The following KPNA3 variants were observed in gnomAD, a reference collection of about 807,000 sequenced individuals.
KPNA3 encodes karyopherin subunit alpha 3.
In KPNA3, 13 loss-of-function variants were observed where a neutral mutation model predicts 73.8. That is an observed-to-expected ratio of 0.18 (90% CI 0.11 to 0.28). The LOEUF is 0.28. Among genes scored for constraint, KPNA3 ranks in the 10% least tolerant of loss-of-function variants. The pLI is 1.00. For synonymous variants in KPNA3, 186 were observed against 206.9 expected, an observed-to-expected ratio of 0.90 and a Z score of 0.87; for missense variants, 360 against 618.1, an observed-to-expected ratio of 0.58 and a Z score of 4.43.
chr13:49,792,293 G>A (rs2137615449), intron 1 of KPNA3, 145 bp downstream of exon 1: 1 of 297,972 alleles, frequency 3.4e-6, no homozygotes, highest in East Asian at 1.0e-4. Flanking sequence ...GCTCCGCCCA[G>A]CCCGGGGCCG....
intron 2 of KPNA3, among the ~76,000 whole-genome samples, chr13:49,739,612 T>A (rs1207391244): frequency 6.6e-6 from 1 of 152,216 alleles, no homozygotes; most frequent in Non-Finnish European, 1.5e-5. Flanking sequence ...ACAGATGTCA[T>A]CTGTCATCCT....
At chr13:49,785,300 T>C (rs1187497590) in intron 1 of KPNA3, among the ~76,000 whole-genome samples, 4 of 152,002 alleles carry the variant, frequency 2.6e-5, no homozygotes, top group Non-Finnish European at 5.9e-5. Flanking sequence ...CAGCAGAATA[T>C]AGAGGCAGGG....
intron 1 of KPNA3, among the ~76,000 whole-genome samples, chr13:49,749,899 T>C (rs1566349903): frequency 6.6e-6 from 1 of 152,216 alleles, no homozygotes; most frequent in Non-Finnish European, 1.5e-5. Context: ...GAGTTAGTCA[T>C]GACTTACTAT....
intron 1 of KPNA3, among the ~76,000 whole-genome samples, chr13:49,758,791 C>A (rs368655209): frequency 2.0e-5 from 3 of 152,102 alleles, no homozygotes; most frequent in Admixed American, 6.5e-5. Flanking sequence ...CACACACACA[C>A]AAAATTTTGT....
chr13:49,703,189 T>TC (rs1954166029), intron 15 of KPNA3, among the ~76,000 whole-genome samples: 4 of 142,924 alleles, frequency 2.8e-5, no homozygotes, highest in South Asian at 2.3e-4. Context: ...CTTTCTTTTT[T>TC]TTTTTTTTTT....
rs1313074191 is a variant in KPNA3 at position 49,700,578 on chromosome 13, C to T, written c.*1222G>A. Reference sequence around the variant, plus strand: ...CTGCAAATTACTCCTCTACACAGATCCCTGTCTGAATCTTTTAATATGTGA... The same window carrying T: ...CTGCAAATTACTCCTCTACACAGATTCCTGTCTGAATCTTTTAATATGTGA... On this transcript the variant is annotated 3_prime_UTR_variant, in exon 17 of 17. Coordinates refer to ENST00000261667, the MANE Select transcript of KPNA3 (RefSeq NM_002267.4). 1.3e-5 allele frequency: 2 copies of T among 152,582 alleles called. No individual in the cohort carries two copies. Among genetic ancestry groups the T allele is most frequent in the Non-Finnish European group, 2.9e-5 (2 of 68,018 alleles). The allele number at this position is 152,582 out of a possible 1,614,324, so 9.5% of individuals were successfully genotyped here.
chr13:49,777,501 CTATT>C (rs1006146247), intron 1 of KPNA3, among the ~76,000 whole-genome samples: 2 of 151,970 alleles, frequency 1.3e-5, no homozygotes, highest in African/African-American at 4.8e-5. Context: ...AGTTGTTACA[CTATT>C]TATTTTTTTC....
chr13:49,762,997 T>C (rs1293990744), intron 1 of KPNA3, among the ~76,000 whole-genome samples: 2 of 147,162 alleles, frequency 1.4e-5, no homozygotes, highest in Admixed American at 6.7e-5. Context: ...TTAAGTGAAA[T>C]GAAAACTATG....
chr13:49,750,038 GTCC>G (rs1301732613), intron 1 of KPNA3, among the ~76,000 whole-genome samples: 1 of 152,038 alleles, frequency 6.6e-6, no homozygotes, highest in African/African-American at 2.4e-5. Flanking sequence ...TCTATTTTTA[GTCC>G]ACTCTGTCTC....
intron 1 of KPNA3, among the ~76,000 whole-genome samples, chr13:49,786,108 T>C (rs1040036108): frequency 5.3e-5 from 8 of 152,216 alleles, no homozygotes; most frequent in African/African-American, 1.7e-4. Context: ...AAATACATTA[T>C]AGGAGAACAG....
intron 1 of KPNA3, among the ~76,000 whole-genome samples, chr13:49,771,820 AT>A (rs1256174734): frequency 6.6e-6 from 1 of 151,892 alleles, no homozygotes; most frequent in Non-Finnish European, 1.5e-5. Flanking sequence ...GACCTAGCTA[AT>A]TTTGGTATTT....
chr13:49,738,476 A>C (rs1468944409), intron 2 of KPNA3, among the ~76,000 whole-genome samples: 11 of 152,244 alleles, frequency 7.2e-5, no homozygotes, highest in African/African-American at 2.7e-4. Flanking sequence ...TGAGGCTTCC[A>C]ATCCAAGAAC....
At chr13:49,771,826 G>T (rs1954858599) in intron 1 of KPNA3, among the ~76,000 whole-genome samples, 1 of 151,844 alleles carries the variant, frequency 6.6e-6, no homozygotes, top group Admixed American at 6.6e-5. Flanking sequence ...GCTAATTTTG[G>T]TATTTTTTTT....
At chr13:49,708,579 G>A (rs991101609) in intron 12 of KPNA3, among the ~76,000 whole-genome samples, 11 of 152,108 alleles carry the variant, frequency 7.2e-5, no homozygotes, top group Admixed American at 4.6e-4. Context: ...GTATGCCAAT[G>A]TTCACTGCAG....
intron 2 of KPNA3, among the ~76,000 whole-genome samples, chr13:49,743,679 G>A (rs1380801442): frequency 1.3e-5 from 2 of 151,484 alleles, no homozygotes; most frequent in Admixed American, 1.3e-4. Context: ...AATTAGAGAA[G>A]GCAGCACAAC....
chr13:49,769,645 G>C (rs977864198), intron 1 of KPNA3, among the ~76,000 whole-genome samples: 1 of 152,152 alleles, frequency 6.6e-6, no homozygotes, highest in Non-Finnish European at 1.5e-5. Flanking sequence ...ATATTCTACT[G>C]TATGGACATA....
At chr13:49,730,768 C>A (rs560854135) in intron 6 of KPNA3, among the ~76,000 whole-genome samples, 3 of 98,142 alleles carry the variant, frequency 3.1e-5, no homozygotes, top group African/African-American at 8.4e-5. Context: ...ATCCCTCCCC[C>A]CTCCCCCCTA....
At chr13:49,726,811 T>TA (rs1341654102) in intron 6 of KPNA3, among the ~76,000 whole-genome samples, 1 of 151,400 alleles carries the variant, frequency 6.6e-6, no homozygotes, top group Non-Finnish European at 1.5e-5. Flanking sequence ...GATGTGGTGG[T>TA]ACACACCTGT....
chr13:49,763,117 C>G (rs867397252), intron 1 of KPNA3, among the ~76,000 whole-genome samples: 2 of 151,954 alleles, frequency 1.3e-5, no homozygotes, highest in South Asian at 4.1e-4. Flanking sequence ...AAAATAACTA[C>G]AGCAAATATT....
Sources: gnomAD v4.1 joint callset for allele counts (sites outside exome capture counted in the v4.1 genomes callset) on GRCh38, gnomAD v4.1.1 for gene constraint, MANE v1.5 for transcripts, NCBI Gene and HGNC (gene_info 2026-07-23, HGNC 2026-07-21) for gene names.